Variants in RANBP2 observed in about 807,000 individuals in gnomAD.
RANBP2 encodes the protein RAN binding protein 2.
RANBP2 carries 57 observed loss-of-function variants against 303.6 expected under a neutral mutation model. The ratio of observed to expected loss-of-function variants is 0.19; its 90% confidence interval spans 0.15 to 0.23. The LOEUF (loss-of-function observed/expected upper bound fraction) is 0.23. Ranked by LOEUF, RANBP2 falls within the 10% of genes least tolerant of loss-of-function variation. RANBP2 has a pLI of 1.00. For missense variants in RANBP2, 3,138 were observed against 3,780.8 expected (o/e 0.83, Z 4.46); for synonymous variants, 1,167 against 1,301.5 (o/e 0.90, Z 2.23).
chr2:109,719,578 T>C, the RANBP2 span, among the ~76,000 whole-genome samples: 5 of 151,956 alleles, frequency 3.3e-5, no homozygotes, highest in Admixed American at 3.3e-4. Context: ...AGCTTATTTT[T>C]GTATTTTTAG....
the RANBP2 span, among the ~76,000 whole-genome samples, chr2:109,687,286 C>T: frequency 1.3e-5 from 2 of 152,164 alleles, no homozygotes; most frequent in African/African-American, 4.8e-5. Flanking sequence ...TAATTAACAA[C>T]GTCATGAGCT....
the RANBP2 span, among the ~76,000 whole-genome samples, chr2:109,400,693 C>CTCA: frequency 6.6e-6 from 1 of 151,396 alleles, no homozygotes; most frequent in Non-Finnish European, 1.5e-5. Flanking sequence ...TGGATACACA[C>CTCA]CTGCACGCAT....
At position 108,735,538 on chromosome 2, in the gene RANBP2, C is replaced by G. The variant is rs1283722120; in HGVS notation, c.412C>G (p.Leu138Val). Residue 138 changes from leucine (L) to valine (V), a missense_variant, in exon 5 of 29, where the codon CTT becomes GTT. Physicochemically the swap from Leu to Val is conservative, Grantham distance 32. This residue lies in a region of RANBP2 where 306 missense variants were observed against 381.9 expected (regional missense o/e 0.80). Coordinates refer to ENST00000283195, the MANE Select transcript of RANBP2 (RefSeq NM_006267.5). ...CTTTTTCCCCTCTAAATAGGAACAG[C>G]TTCTAGATTGTGAAGGTGAAGATGG... Reference protein sequence around the residue: ...SPAIYKLKEQLLDCEGEDGWN... With the variant: ...SPAIYKLKEQVLDCEGEDGWN... The G allele has an allele frequency of 3.1e-6, 5 of 1,597,396 alleles. No homozygotes were observed. The East Asian group carries it at 1.1e-4, about 36-fold the overall frequency.
the RANBP2 span, among the ~76,000 whole-genome samples, chr2:109,084,877 C>T: frequency 6.6e-5 from 10 of 152,176 alleles, no homozygotes; most frequent in East Asian, 1.5e-3. Context: ...CTGATGCCTA[C>T]GGAGGGAGGC....
the RANBP2 span, chr2:109,615,650 CGAG>C: frequency 1.2e-6 from 2 of 1,613,742 alleles, no homozygotes; most frequent in Non-Finnish European, 8.5e-7. Flanking sequence ...GGAGCATCGC[CGAG>C]GAGATCAAGA....
At chr2:109,376,749 T>G in the RANBP2 span, among the ~76,000 whole-genome samples, 1 of 152,222 alleles carries the variant, frequency 6.6e-6, no homozygotes, top group Non-Finnish European at 1.5e-5. Flanking sequence ...AGTGGTCACC[T>G]AGGTAGACCC....
the RANBP2 span, among the ~76,000 whole-genome samples, chr2:109,499,807 G>A: frequency 5.3e-5 from 8 of 152,100 alleles, no homozygotes; most frequent in African/African-American, 1.4e-4. Context: ...AATCATAGCC[G>A]GACACTAGTG....
chr2:108,787,186 T>C (rs1037172871), downstream of RANBP2, among the ~76,000 whole-genome samples: 1 of 152,234 alleles, frequency 6.6e-6, no homozygotes, highest in African/African-American at 2.4e-5. Flanking sequence ...AGCTTTTTTT[T>C]GCAGTGATGT....
the RANBP2 span, among the ~76,000 whole-genome samples, chr2:109,318,001 C>T: frequency 1.3e-5 from 2 of 151,446 alleles, no homozygotes; most frequent in South Asian, 2.1e-4. Context: ...TGCATCTGAA[C>T]GGAAGGCCAG....
At chr2:109,778,523 CT>C in the RANBP2 span, among the ~76,000 whole-genome samples, 2 of 149,836 alleles carry the variant, frequency 1.3e-5, no homozygotes, top group Non-Finnish European at 3.0e-5. Flanking sequence ...CTAGAAACAT[CT>C]TTTTTCAATA....
chr2:108,903,930 A>G, the RANBP2 span, among the ~76,000 whole-genome samples: 2 of 152,172 alleles, frequency 1.3e-5, no homozygotes, highest in Non-Finnish European at 2.9e-5. Flanking sequence ...CATCCATAAA[A>G]AGAAAACTTT....
At chr2:109,630,930 G>A in the RANBP2 span, among the ~76,000 whole-genome samples, 6 of 152,092 alleles carry the variant, frequency 3.9e-5, no homozygotes, top group African/African-American at 1.4e-4. Flanking sequence ...ACTGGGCGTG[G>A]TGGCAGGCAC....
At chr2:109,037,766 C>T in the RANBP2 span, among the ~76,000 whole-genome samples, 6 of 152,100 alleles carry the variant, frequency 3.9e-5, no homozygotes, top group Non-Finnish European at 7.4e-5. Context: ...ACAACATTTG[C>T]ACGCTAAAAT....
chr2:109,370,122 G>T, the RANBP2 span, among the ~76,000 whole-genome samples: 1 of 152,222 alleles, frequency 6.6e-6, no homozygotes, highest in Non-Finnish European at 1.5e-5. Flanking sequence ...TGGTTCCGGA[G>T]AAGGGAACAG....
At chr2:109,640,425 C>G in the RANBP2 span, among the ~76,000 whole-genome samples, 1 of 152,214 alleles carries the variant, frequency 6.6e-6, no homozygotes, top group Non-Finnish European at 1.5e-5. Context: ...GCACTCCAGC[C>G]TGGGCAACAG....
the RANBP2 span, among the ~76,000 whole-genome samples, chr2:109,439,388 A>G: frequency 2.6e-5 from 4 of 152,150 alleles, no homozygotes; most frequent in African/African-American, 9.7e-5. Flanking sequence ...AATGCCACTG[A>G]GTTCCTGCGG....
the RANBP2 span, among the ~76,000 whole-genome samples, chr2:109,729,911 G>T: frequency 6.6e-6 from 1 of 152,168 alleles, no homozygotes; most frequent in Non-Finnish European, 1.5e-5. Context: ...GGGGAAGCAG[G>T]CACCTTCTTT....
At chr2:109,265,181 A>G in the RANBP2 span, among the ~76,000 whole-genome samples, 3 of 152,186 alleles carry the variant, frequency 2.0e-5, no homozygotes, top group African/African-American at 7.2e-5. Context: ...GAAGAGAGCC[A>G]GGAGGGTTCC....
the RANBP2 span, among the ~76,000 whole-genome samples, chr2:108,972,068 G>T: frequency 6.6e-6 from 1 of 152,212 alleles, no homozygotes; most frequent in Non-Finnish European, 1.5e-5. Flanking sequence ...TTGCAGCCCA[G>T]CCGACTGCAG....
Sources: allele counts gnomAD v4.1 joint callset (sites outside exome capture counted in the v4.1 genomes callset), GRCh38; gene constraint gnomAD v4.1.1; regional missense constraint gnomAD v4.1.1; transcripts MANE v1.5; gene names NCBI Gene and HGNC (gene_info 2026-07-23, HGNC 2026-07-21).